Variants in F10 observed in about 807,000 individuals in gnomAD.
F10 encodes the protein coagulation factor X, also known as Stuart-Prower factor.
Under a neutral mutation model 37.1 loss-of-function variants are expected in F10, and 29 were observed. The ratio of observed to expected loss-of-function variants is 0.78; its 90% CI spans 0.58 to 1.07. The LOEUF (loss-of-function observed/expected upper bound fraction) is 1.07. F10 is among the 50% of genes least tolerant of loss of function. The probability of loss-of-function intolerance (pLI) is 0.00; values close to 1 mark genes in which losing one functional copy is unlikely to be tolerated. For synonymous variants in F10, 262 were observed against 268.6 expected (o/e 0.98, Z 0.24); for missense variants, 539 against 667.9 (o/e 0.81, Z 2.13).
chr13:113,147,511 GC>G lies in F10; in HGVS notation c.865+20del. On this transcript the variant is annotated intron_variant, in intron 7 of 7. Transcript: ENST00000375559. Reference sequence around the variant, plus strand: ...GGTGAGGGTAGGTAAGTGACCAACAGCCCCCAGGGCCGTGGTGAGGGGCACC... The same window carrying G: ...GGTGAGGGTAGGTAAGTGACCAACAGCCCCAGGGCCGTGGTGAGGGGCACC... The G allele has an allele frequency of 1.3e-6, 2 of 1,526,596 alleles. No homozygotes were observed. The highest frequency in any genetic ancestry group is 1.8e-6 in the Non-Finnish European group (2 of 1,099,418). 94.6% of individuals were successfully genotyped at this position (1,526,596 alleles called of 1,614,324 possible).
At chr13:113,147,526 G>T in intron 7 of F10, 30 bp downstream of exon 7, 3 of 1,377,356 alleles carry the variant, frequency 2.2e-6, no homozygotes, top group Non-Finnish European at 2.1e-6. Flanking sequence ...CAGGGCCGTG[G>T]TGAGGGGCAC....
rs1439801244 is a variant in F10, at chr13:113,122,894, C to CA, written c.39_40insA (p.Leu14ThrfsTer33). On this transcript the variant is annotated frameshift_variant, in exon 1 of 8. Coordinates refer to ENST00000375559, the MANE Select transcript of F10 (RefSeq NM_000504.4). LOFTEE classifies it high-confidence loss of function. ...TGCACCTCGTCCTGCTCAGTGCCTC[C>CA]CTGGCTGGCCTCCTGCTGCTCGGGG... is the stretch of plus-strand genomic sequence containing the variant. 1.9e-6 allele frequency: 3 copies of CA among 1,610,682 alleles called. No individual in the cohort carries two copies. In the African/African-American group the frequency reaches 4.0e-5, roughly 21 times the overall value.
intron 1 of F10, among the ~76,000 whole-genome samples, chr13:113,125,695 T>C (rs1277697756): frequency 2.6e-5 from 4 of 152,258 alleles, no homozygotes; most frequent in African/African-American, 4.8e-5. Context: ...CCATAACAGA[T>C]AGCAGAAGCG....
Position 113,143,724 on chromosome 13 carries a change from G to A in F10, c.503-127G>A, listed in dbSNP as rs1278569063. ...ACGTGGGGCCTCGCCCTGCAAGCCCGCTGCCCCTCCGGGTGCCCCTGCGCT... is the reference window on the plus strand; with the variant it reads ...ACGTGGGGCCTCGCCCTGCAAGCCCACTGCCCCTCCGGGTGCCCCTGCGCT... On this transcript the variant is annotated intron_variant, in intron 5 of 7. Coordinates refer to ENST00000375559, the MANE Select transcript of F10 (RefSeq NM_000504.4). The surrounding 1 kb of genome is among the most constrained non-coding windows in gnomAD (Gnocchi z 6.8). The A allele has an allele frequency of 2.0e-5, 28 of 1,402,114 alleles. No homozygotes were observed. The highest frequency in any genetic ancestry group is 2.9e-5 in the African/African-American group (2 of 69,434). 86.9% of individuals were successfully genotyped at this position (1,402,114 alleles called of 1,614,324 possible). A position where few individuals can be genotyped will look rare whatever the true frequency, so the allele number is the denominator to read the frequency against.
intron 4 of F10, chr13:113,140,373 G>A (rs917851929): frequency 5.1e-6 from 2 of 389,710 alleles, no homozygotes; most frequent in African/African-American, 2.1e-5. Flanking sequence ...GAGGCACAGC[G>A]CCGGCCTAAT....
chr13:113,135,304 C>G (rs2036468642), intron 2 of F10, among the ~76,000 whole-genome samples: 1 of 151,714 alleles, frequency 6.6e-6, no homozygotes, highest in African/African-American at 2.4e-5. Context: ...ATATTAGTCT[C>G]AGTCTGTTTG....
chr13:113,122,850 C>T lies in F10; in HGVS notation c.-6C>T. On this transcript the variant is annotated 5_prime_UTR_variant, in exon 1 of 8. Coordinates refer to ENST00000375559, the MANE Select transcript of F10 (RefSeq NM_000504.4). ...TGAGGACAGGGACACAGTACTCGGC[C>T]ACACCATGGGGCGCCCACTGCACCT... 6.2e-7 allele frequency: 1 copy of T among 1,609,918 alleles called. No individual in the cohort carries two copies. The highest frequency in any genetic ancestry group is 2.2e-5 in the East Asian group (1 of 44,880).
rs1006198368 is a variant in F10 at position 113,143,621 on chromosome 13, T to C, written c.503-230T>C. On this transcript the variant is annotated intron_variant, in intron 5 of 7. Coordinates refer to ENST00000375559, the MANE Select transcript of F10 (RefSeq NM_000504.4). The surrounding 1 kb of genome is among the most constrained non-coding windows in gnomAD (Gnocchi z 6.8). ...TGCCTGGGTTGCTGCCTGGCGTCCA[T>C]TGTTCACAGGCGGTCACCTGAGGGG... Among the ~76,000 whole-genome samples the C allele has an allele frequency of 2.0e-5, 3 of 152,116 alleles. No individual in the cohort carries two copies. The highest frequency in any genetic ancestry group is 4.1e-4 in the South Asian group (2 of 4,824).
At position 113,122,867 on chromosome 13, in the gene F10, A is replaced by G. The variant is rs769138821; in HGVS notation, c.12A>G (p.Pro4=). 34 of 1,610,714 alleles carry G rather than the reference A, an allele frequency of 2.1e-5. No individual in the cohort carries two copies. In the African/African-American group the frequency reaches 4.4e-4, roughly 21 times the overall value. The change falls in exon 1 of 8, where the codon CCA becomes CCG. Residue 4 remains proline (P), a synonymous_variant. Transcript: ENST00000375559. ...TACTCGGCCACACCATGGGGCGCCC[A>G]CTGCACCTCGTCCTGCTCAGTGCCT... is the stretch of plus-strand genomic sequence containing the variant. MGR[P]LHLVLLSASL...
intron 7 of F10, among the ~76,000 whole-genome samples, chr13:113,148,581 C>T (rs1259672701): frequency 3.9e-5 from 6 of 152,070 alleles, no homozygotes; most frequent in Non-Finnish European, 7.4e-5. Flanking sequence ...GCGGCCACAC[C>T]GCACAACCTG....
In F10 at chr13:113,145,070, C is replaced by T. The variant is rs950112382; in HGVS notation, c.747+975C>T. On this transcript the variant is annotated intron_variant, in intron 6 of 7. Transcript: ENST00000375559. ...ATTTTTTTTGTATTTTTAGTAGAGA[C>T]GGGGTTTCACCGTGTTAGCCAGGAT... Among the ~76,000 whole-genome samples, 25 of 152,210 alleles carry T rather than the reference C, an allele frequency of 1.6e-4. No individual in the cohort carries two copies. The East Asian group carries it at 2.1e-3, about 13-fold the overall frequency.
rs773268385 is a variant in F10 at position 113,144,088 on chromosome 13, C to A, written c.740C>A (p.Pro247His). 6.2e-7 allele frequency: 1 copy of A among 1,613,806 alleles called. No homozygotes were observed. Among genetic ancestry groups the A allele is most frequent in the South Asian group, 1.1e-5 (1 of 91,082 alleles). ...GGQECKDGEC[P>H]WQALLINEEN... ...CAGGAATGCAAGGACGGGGAGTGTC[C>A]CTGGCAGGTAACAGTAGGATGTCCC... Residue 247 changes from proline (P) to histidine (H), a missense_variant, in exon 6 of 8, where the codon CCC (proline) becomes CAC (histidine). Pro to His is a moderately conservative substitution (Grantham distance 77, BLOSUM62 -2). Coordinates refer to ENST00000375559, the MANE Select transcript of F10 (RefSeq NM_000504.4). This position sits in a 1 kb window ranked among gnomAD's most constrained non-coding sequence, Gnocchi z 6.4.
intron 2 of F10, among the ~76,000 whole-genome samples, chr13:113,137,193 A>G (rs1474011462): frequency 1.3e-5 from 2 of 152,278 alleles, no homozygotes; most frequent in Non-Finnish European, 2.9e-5. Flanking sequence ...GAAAGTATTG[A>G]TACAACTTGC....
At chr13:113,135,992 C>T (rs1467761817) in intron 2 of F10, among the ~76,000 whole-genome samples, 1 of 152,124 alleles carries the variant, frequency 6.6e-6, no homozygotes, top group African/African-American at 2.4e-5. Context: ...TTGCAAATCA[C>T]ATATCCAACA....
rs1471104018 is a variant in F10, at chr13:113,146,049, T to C, written c.748-1330T>C. Among the ~76,000 whole-genome samples, 3 of 152,150 alleles carry C rather than the reference T, an allele frequency of 2.0e-5. No homozygotes were observed. Among genetic ancestry groups the C allele is most frequent in the Admixed American group, 6.5e-5 (1 of 15,278 alleles). On this transcript the variant is annotated intron_variant, in intron 6 of 7. Coordinates refer to ENST00000375559, the MANE Select transcript of F10 (RefSeq NM_000504.4). The surrounding 1 kb of genome is among the most constrained non-coding windows in gnomAD (Gnocchi z 4.5). ...TCAGAGCTGCCAGCGCCCCCATGAA[T>C]TCCCCCAGGTCTTCCCCCACCCCAG...
At chr13:113,137,374 T>C (rs1354884235) in intron 2 of F10, among the ~76,000 whole-genome samples, 2 of 150,638 alleles carry the variant, frequency 1.3e-5, no homozygotes, top group Non-Finnish European at 3.0e-5. Flanking sequence ...TGGCATGGGG[T>C]ATTTGGGGGG....
At chr13:113,123,083 C>G (rs781444008) in intron 1 of F10, among the ~76,000 whole-genome samples, 158 bp downstream of exon 1, 1 of 152,156 alleles carries the variant, frequency 6.6e-6, no homozygotes, top group African/African-American at 2.4e-5. Context: ...TTCCAGCCAA[C>G]GGCATCCTCA....
chr13:113,148,989 G>A lies in F10; in HGVS notation c.939G>A (p.Arg313=). Reference sequence around the variant, plus strand: ...TGGAGGTGGTCATCAAGCACAACCGGTTCACAAAGGAGACCTATGACTTCG... The same window carrying A: ...TGGAGGTGGTCATCAAGCACAACCGATTCACAAAGGAGACCTATGACTTCG... ...HEVEVVIKHN[R]FTKETYDFDI... Residue 313 remains arginine (R), a synonymous_variant, in exon 8 of 8, where the codon CGG becomes CGA. Transcript: ENST00000375559. The A allele has an allele frequency of 1.9e-6, 3 of 1,613,600 alleles. No individual in the cohort carries two copies. Among genetic ancestry groups the A allele is most frequent in the Non-Finnish European group, 2.5e-6 (3 of 1,180,020 alleles).
Position 113,148,979 on chromosome 13 carries a change from A to G in F10, c.929A>G (p.Lys310Arg), listed in dbSNP as rs374841626. The change falls in exon 8 of 8, where the codon AAG (lysine) becomes AGG (arginine). Residue 310 changes from lysine (K) to arginine (R), a missense_variant. Physicochemically the swap from Lys to Arg is conservative, Grantham distance 26 (BLOSUM62 2). Around this residue, in one of 2 missense-constraint regions of F10, gnomAD observed 409 missense variants for 547.9 expected, o/e 0.75. Coordinates refer to ENST00000375559, the MANE Select transcript of F10 (RefSeq NM_000504.4). ...GTGCACGAGGTGGAGGTGGTCATCAAGCACAACCGGTTCACAAAGGAGACC... is the reference window on the plus strand; with the variant it reads ...GTGCACGAGGTGGAGGTGGTCATCAGGCACAACCGGTTCACAAAGGAGACC... ...EAVHEVEVVIKHNRFTKETYD... is the reference protein window; with the variant it reads ...EAVHEVEVVIRHNRFTKETYD... 2.2e-5 allele frequency: 36 copies of G among 1,613,560 alleles called. No individual in the cohort carries two copies. In the African/African-American group the frequency reaches 4.3e-4, roughly 19 times the overall value.
Sources: allele counts gnomAD v4.1 joint callset (sites outside exome capture counted in the v4.1 genomes callset), GRCh38; gene constraint gnomAD v4.1.1; regional missense constraint gnomAD v4.1.1; non-coding constraint Gnocchi (gnomAD v3.1); transcripts MANE v1.5; gene names NCBI Gene and HGNC (gene_info 2026-07-23, HGNC 2026-07-21).